Variants in PTK2 observed in about 807,000 individuals in gnomAD.
The protein encoded by PTK2 is protein tyrosine kinase 2, also known as focal adhesion kinase 1.
PTK2 carries 45 observed loss-of-function variants against 150.1 expected under a neutral mutation model. The observed-to-expected ratio is 0.30, with a 90% CI of 0.24 to 0.38. The LOEUF (loss-of-function observed/expected upper bound fraction) is 0.38, where lower values mean the gene tolerates loss of function less well. Ranked by LOEUF, PTK2 falls within the 10% of genes least tolerant of loss-of-function variation. The pLI, the probability that PTK2 is intolerant of heterozygous loss-of-function variation, is 1.00. For missense variants in PTK2, 919 were observed against 1,307.3 expected (o/e 0.70, Z 4.58); for synonymous variants, 432 against 449.2 (o/e 0.96, Z 0.48).
At chr8:140,748,599 G>A (rs1452641867) in intron 17 of PTK2, among the ~76,000 whole-genome samples, 1 of 151,920 alleles carries the variant, frequency 6.6e-6, no homozygotes, top group Non-Finnish European at 1.5e-5. Flanking sequence ...TTATGGTCCT[G>A]TACTACTACT....
intron 2 of PTK2, among the ~76,000 whole-genome samples, chr8:140,893,244 C>T (rs544071191): frequency 1.3e-5 from 2 of 152,156 alleles, no homozygotes; most frequent in African/African-American, 2.4e-5. Flanking sequence ...TCCAGGAGGT[C>T]GAGGCTGCAG....
chr8:140,827,545 G>C (rs763556265), intron 8 of PTK2, among the ~76,000 whole-genome samples: 2 of 152,038 alleles, frequency 1.3e-5, no homozygotes, highest in Admixed American at 6.6e-5. Context: ...TTTTTTTTAG[G>C]GGGGTGGGGA....
At chr8:140,829,342 A>G (rs1020609410) in intron 8 of PTK2, among the ~76,000 whole-genome samples, 1 of 152,176 alleles carries the variant, frequency 6.6e-6, no homozygotes, top group Non-Finnish European at 1.5e-5. Flanking sequence ...CCTATTCTGG[A>G]TGGGTTTGAC....
At chr8:140,960,501 G>A (rs1045602353) in intron 1 of PTK2, among the ~76,000 whole-genome samples, 11 of 152,030 alleles carry the variant, frequency 7.2e-5, no homozygotes, top group East Asian at 1.9e-4. Context: ...AGCCACCGCG[G>A]CTGGCCCATT....
intron 26 of PTK2, 180 bp downstream of exon 29, chr8:140,700,711 G>A (rs2100029724): frequency 5.0e-6 from 3 of 596,570 alleles, no homozygotes; most frequent in Non-Finnish European, 8.1e-6. Context: ...CCTGACCTCA[G>A]GTGATCTGCT....
At chr8:140,918,019 A>C (rs755102502) in intron 2 of PTK2, among the ~76,000 whole-genome samples, 43 of 152,226 alleles carry the variant, frequency 2.8e-4, no homozygotes, top group Admixed American at 8.5e-4. Flanking sequence ...AATATTTAAC[A>C]AACACCTAGT....
chr8:140,921,937 G>C (rs2100167619), intron 2 of PTK2, among the ~76,000 whole-genome samples: 1 of 152,154 alleles, frequency 6.6e-6, no homozygotes, highest in Non-Finnish European at 1.5e-5. Flanking sequence ...TTAGTAACTA[G>C]GCTCCTGGTG....
At chr8:140,842,115 C>T (rs2100122685) in intron 7 of PTK2, among the ~76,000 whole-genome samples, 1 of 151,968 alleles carries the variant, frequency 6.6e-6, no homozygotes, top group Admixed American at 6.5e-5. Context: ...ATTGAATGTG[C>T]ACACAAGTGT....
intron 14 of PTK2, among the ~76,000 whole-genome samples, chr8:140,786,544 T>C (rs944678829): frequency 2.6e-5 from 4 of 152,136 alleles, no homozygotes; most frequent in Non-Finnish European, 4.4e-5. Flanking sequence ...TTAGGTTTTA[T>C]GGTTTTGTGG....
chr8:140,842,357 A>G (rs1286228659), intron 7 of PTK2, among the ~76,000 whole-genome samples: 1 of 152,058 alleles, frequency 6.6e-6, no homozygotes, highest in East Asian at 1.9e-4. Context: ...CTCTTTAAAG[A>G]AACTCTACAG....
chr8:140,847,035 A>T (rs1376994193), intron 5 of PTK2, among the ~76,000 whole-genome samples: 2 of 152,218 alleles, frequency 1.3e-5, no homozygotes, highest in Non-Finnish European at 2.9e-5. Context: ...TGACCACTTA[A>T]ATGGGACATT....
At chr8:140,797,103 G>GA (rs1253366181) in intron 12 of PTK2, among the ~76,000 whole-genome samples, 2 of 150,004 alleles carry the variant, frequency 1.3e-5, no homozygotes, top group Non-Finnish European at 2.9e-5. Context: ...ACTGTCTTCT[G>GA]AAAATGTACC....
chr8:140,875,054 T>A (rs772016730), intron 4 of PTK2, among the ~76,000 whole-genome samples: 2 of 152,116 alleles, frequency 1.3e-5, no homozygotes, highest in Non-Finnish European at 2.9e-5. Context: ...TATGAGCTGA[T>A]GAAAAATCAC....
chr8:140,921,274 G>C (rs1293931328), intron 2 of PTK2: 2 of 272,392 alleles, frequency 7.3e-6, no homozygotes, highest in Non-Finnish European at 1.2e-5. Flanking sequence ...GAAAAAGAAG[G>C]CCAGTAGCCA....
intron 2 of PTK2, among the ~76,000 whole-genome samples, chr8:140,910,579 C>T (rs1029261994): frequency 3.3e-5 from 5 of 152,136 alleles, no homozygotes; most frequent in African/African-American, 1.2e-4. Flanking sequence ...CTTTCTTCTA[C>T]AGATACCCTA....
At position 140,770,713 on chromosome 8, in the gene PTK2, T is replaced by TA; in HGVS notation, c.1178-6424dup. 1 of 1,320,110 alleles carries TA rather than the reference T, an allele frequency of 7.6e-7. No homozygotes were observed. Among genetic ancestry groups the TA allele is most frequent in the Non-Finnish European group, 1.0e-6 (1 of 997,678 alleles). 81.8% of individuals were successfully genotyped at this position (1,320,110 alleles called of 1,614,324 possible). On this transcript the variant is annotated intron_variant, in intron 14 of 31. Coordinates refer to ENST00000522684, the Ensembl canonical transcript of PTK2. Reference sequence around the variant, plus strand: ...AGAGCCTGTGCAAATATGAGTGCAGTACCCGTAGAAGGAGGATCATGGGAA... The same window carrying TA: ...AGAGCCTGTGCAAATATGAGTGCAGTAACCCGTAGAAGGAGGATCATGGGAA...
chr8:140,942,368 C>T lies in PTK2; in HGVS notation c.-121-16619G>A, dbSNP rs1390468871. On this transcript the variant is annotated intron_variant, in intron 1 of 31. Transcript: ENST00000522684. ...GCTACAAGAACTTGAGCAACAAATA[C>T]TAAAATAACTTTTAAACATCTTTTA... is the stretch of plus-strand genomic sequence containing the variant. Among the ~76,000 whole-genome samples the T allele has an allele frequency of 2.0e-5, 3 of 152,224 alleles. No homozygotes were observed. In the East Asian group the frequency reaches 5.8e-4, roughly 29 times the overall value.
intron 30 of PTK2, among the ~76,000 whole-genome samples, chr8:140,665,565 CA>C (rs1554629152): frequency 6.6e-6 from 1 of 151,850 alleles, no homozygotes; most frequent in Non-Finnish European, 1.5e-5. Flanking sequence ...CGAGTTGCAG[CA>C]AAAAGGGTCT....
exon 25 of PTK2, chr8:140,702,696 G>A (rs202194364): frequency 1.9e-6 from 3 of 1,613,924 alleles, no homozygotes; most frequent in East Asian, 2.2e-5. Context: ...GTGAACCAGG[G>A]TAGCCAGAAA....
Sources: gnomAD v4.1 joint callset for allele counts (sites outside exome capture counted in the v4.1 genomes callset) on GRCh38, gnomAD v4.1.1 for gene constraint, MANE v1.5 for transcripts, NCBI Gene and HGNC (gene_info 2026-07-23, HGNC 2026-07-21) for gene names.